Variants in ADGRG4 observed in about 807,000 individuals in gnomAD.
ADGRG4 encodes adhesion G protein-coupled receptor G4.
In ADGRG4, 122 loss-of-function variants were observed where a neutral mutation model predicts 126.2. The ratio of observed to expected loss-of-function variants is 0.97; its 90% confidence interval spans 0.83 to 1.12. The LOEUF is 1.12. Among genes scored for constraint, ADGRG4 ranks in the 50% most tolerant of loss-of-function variants. The pLI, the probability that ADGRG4 is intolerant of heterozygous loss-of-function variation, is 0.00. For synonymous variants in ADGRG4, 943 were observed against 838.7 expected (o/e 1.12, Z -2.15); for missense variants, 2,481 against 2,251.8 (o/e 1.10, Z -2.06).
chrX:136,365,427 T>C (rs2075152947), intron 13 of ADGRG4, among the ~76,000 whole-genome samples: 3 of 112,167 alleles, frequency 2.7e-5, no homozygotes, highest in Non-Finnish European at 1.9e-5. Context: ...ATGGATGCAT[T>C]ATATTCCATT....
intron 24 of ADGRG4, 105 bp from the exon 25 acceptor site, chrX:136,414,055 T>C: frequency 1.4e-6 from 1 of 722,102 alleles, no homozygotes; most frequent in Non-Finnish European, 2.0e-6. Context: ...CTTTGTATTT[T>C]TAAACCAGGT....
chrX:136,360,666 C>G (rs2075122783), intron 11 of ADGRG4, among the ~76,000 whole-genome samples: 2 of 111,409 alleles, frequency 1.8e-5, no homozygotes, highest in Non-Finnish European at 3.8e-5. Context: ...CACTTGAGGC[C>G]AGGAGGTTGA....
Position 136,407,945 on chromosome X carries a change from G to A in ADGRG4, c.8935+1973G>A, listed in dbSNP as rs112639989. On this transcript the variant is annotated intron_variant, in intron 23 of 25. Coordinates refer to ENST00000394143, the MANE Select transcript of ADGRG4 (RefSeq NM_153834.4). Reference sequence around the variant, plus strand: ...ACCAGTCATGGTATAGAATGTCCACGGAAACGGTTTAGAACCCAGGTGCCT... The same window carrying A: ...ACCAGTCATGGTATAGAATGTCCACAGAAACGGTTTAGAACCCAGGTGCCT... Among the ~76,000 whole-genome samples the A allele has an allele frequency of 9.2e-3, 1,026 of 111,939 alleles. 12 individuals carry two copies. The highest frequency in any genetic ancestry group is 0.031 in the African/African-American group (968 of 30,780).
chrX:136,415,481 C>T (rs781063643), intron 25 of ADGRG4, among the ~76,000 whole-genome samples: 37 of 111,473 alleles, frequency 3.3e-4, no homozygotes, highest in East Asian at 5.7e-4. Context: ...TATGGGGCAA[C>T]GCTATTTTCC....
At position 136,348,977 on chromosome X, in the gene ADGRG4, T is replaced by TAGTC; in HGVS notation, c.5272_5275dup (p.Leu1759GlnfsTer16). 8.3e-7 allele frequency: 1 copy of TAGTC among 1,209,250 alleles called. No homozygotes were observed. The highest frequency in any genetic ancestry group is 1.1e-6 in the Non-Finnish European group (1 of 893,522). The stretch of plus-strand genomic sequence containing the variant: ...ATATGCTTTCACCTACTCATGCAGA[T>TAGTC]AGTCTCCATACTTCCTTCAATATTC... On this transcript the variant is annotated frameshift_variant, in exon 6 of 26. Transcript: ENST00000394143. LOFTEE classifies it high-confidence loss of function.
At chrX:136,301,460 G>T (rs1383303485) in intron 1 of ADGRG4, among the ~76,000 whole-genome samples, 3 of 111,662 alleles carry the variant, frequency 2.7e-5, no homozygotes, top group South Asian at 3.8e-4. Flanking sequence ...CAAATTTGTT[G>T]GAGTTCTTTG....
rs749245858 is a variant in ADGRG4, at chrX:136,405,828, C to G, written c.8791C>G (p.Arg2931Gly). ...TGTGAAATCCCAAATCCAGAAGACT[C>G]GGCGGAAGATGATCCTGCATGACCT... is the stretch of plus-strand genomic sequence containing the variant. Reference protein sequence around the residue: ...NSVKSQIQKTRRKMILHDLKG... With the variant: ...NSVKSQIQKTGRKMILHDLKG... The change falls in exon 23 of 26, where the codon CGG becomes GGG. Residue 2931 changes from arginine (R) to glycine (G), a missense_variant. Transcript: ENST00000394143. 5.0e-6 allele frequency: 6 copies of G among 1,208,551 alleles called. No individual in the cohort carries two copies. The Admixed American group carries it at 1.1e-4, about 22-fold the overall frequency.
At chrX:136,396,404 T>TA (rs1491134505) in intron 19 of ADGRG4, among the ~76,000 whole-genome samples, 61 of 101,208 alleles carry the variant, frequency 6.0e-4, no homozygotes, top group Admixed American at 9.7e-4. Context: ...TATATATATA[T>TA]TTTTTTTTTG....
At position 136,395,389 on chromosome X, in the gene ADGRG4, G is replaced by A; in HGVS notation, c.8081-1G>A. ...TTGAAATTTCCTTCTGTCTCCTACA[G>A]ATGGGCTGGGTGGATGGAATTCGTC... On this transcript the variant is annotated splice_acceptor_variant, in intron 18 of 25. Coordinates refer to ENST00000394143, the MANE Select transcript of ADGRG4 (RefSeq NM_153834.4). LOFTEE classifies it high-confidence loss of function. 8.5e-7 allele frequency: 1 copy of A among 1,176,541 alleles called. No individual in the cohort carries two copies. Among genetic ancestry groups the A allele is most frequent in the Non-Finnish European group, 1.2e-6 (1 of 866,333 alleles).
rs1050888314 is a variant in ADGRG4, at chrX:136,345,027, A to G, written c.1321A>G (p.Thr441Ala). The stretch of plus-strand genomic sequence containing the variant: ...AGCTGGCCAGGAGTTCATTGAATCT[A>G]CAGCTGCCGGAACTGTACCTTGGTT... ...STAGQEFIES[T>A]AAGTVPWFTV... Residue 441 changes from threonine (T) to alanine (A), a missense_variant, in exon 6 of 26, where the codon ACA becomes GCA. Physicochemically the swap from Thr to Ala is moderately conservative, Grantham distance 58 (BLOSUM62 0). Coordinates refer to ENST00000394143, the MANE Select transcript of ADGRG4 (RefSeq NM_153834.4). 2 of 1,209,839 alleles carry G rather than the reference A, an allele frequency of 1.7e-6. No homozygotes were observed. The highest frequency in any genetic ancestry group is 4.4e-5 in the Admixed American group (2 of 45,726).
chrX:136,348,305 A>G lies in ADGRG4; in HGVS notation c.4599A>G (p.Pro1533=), dbSNP rs889972762. The change falls in exon 6 of 26, where the codon CCA becomes CCG. Residue 1533 remains proline (P), a synonymous_variant. Transcript: ENST00000394143. Reference sequence around the variant, plus strand: ...CCAAAAAAGTTTCTGACACTCCCCCAATAGTGATAACTAAATCTTCTAAAA... The same window carrying G: ...CCAAAAAAGTTTCTGACACTCCCCCGATAGTGATAACTAAATCTTCTAAAA... ...FTSKKVSDTP[P]IVITKSSKTM... is the part of the protein sequence containing the mutation. 2.5e-6 allele frequency: 3 copies of G among 1,208,976 alleles called. No homozygotes were observed. The highest frequency in any genetic ancestry group is 1.7e-5 in the African/African-American group (1 of 57,662).
intron 5 of ADGRG4, among the ~76,000 whole-genome samples, chrX:136,324,769 C>G (rs781717009): frequency 8.9e-6 from 1 of 112,087 alleles, no homozygotes; most frequent in African/African-American, 3.2e-5. Flanking sequence ...TACTCTCTGG[C>G]ACAACAAGAT....
chrX:136,396,673 C>A (rs2075350665), intron 19 of ADGRG4, among the ~76,000 whole-genome samples: 1 of 106,451 alleles, frequency 9.4e-6, no homozygotes, highest in African/African-American at 3.5e-5. Context: ...ACTATGTGAT[C>A]TTGGTAAGGT....
rs1468737491 is a variant in ADGRG4, at chrX:136,348,008, A to T, written c.4302A>T (p.Thr1434=). The change falls in exon 6 of 26, where the codon ACA becomes ACT. Residue 1434 remains threonine, a synonymous_variant. Coordinates refer to ENST00000394143, the MANE Select transcript of ADGRG4 (RefSeq NM_153834.4). ...TATCAAATCCTATGGACATCAATAC[A>T]ACTTTTTCACACTTGCATTCACTTA... is the stretch of plus-strand genomic sequence containing the variant. The part of the protein sequence containing the change: ...TRISNPMDIN[T]TFSHLHSLRT... 5 of 1,209,338 alleles carry T rather than the reference A, an allele frequency of 4.1e-6. No homozygotes were observed. The Admixed American group carries it at 1.1e-4, about 26-fold the overall frequency.
intron 4 of ADGRG4, among the ~76,000 whole-genome samples, chrX:136,320,304 T>C (rs2074832144): frequency 8.9e-6 from 1 of 112,340 alleles, no homozygotes; most frequent in Non-Finnish European, 1.9e-5. Flanking sequence ...GAAATGAAAT[T>C]GCTGGGTCAA....
intron 15 of ADGRG4, among the ~76,000 whole-genome samples, chrX:136,377,344 C>T (rs1331693802): frequency 9.2e-6 from 1 of 108,172 alleles, no homozygotes; most frequent in African/African-American, 3.4e-5. Flanking sequence ...AGGCACGCAC[C>T]ACCATGCCTG....
intron 16 of ADGRG4, among the ~76,000 whole-genome samples, chrX:136,390,730 G>A (rs1010822899): frequency 8.1e-5 from 9 of 111,722 alleles, no homozygotes; most frequent in South Asian, 3.8e-4. Flanking sequence ...CATGGCTACC[G>A]TTTTGTAGTA....
In ADGRG4 at chrX:136,412,333, T is replaced by A. The variant is rs767571836; in HGVS notation, c.9004T>A (p.Cys3002Ser). Reference sequence around the variant, plus strand: ...GCGGGAGCAGTGGCAGATACACCTCTGCTGTGGGTGGTTGCGATTGGATAA... The same window carrying A: ...GCGGGAGCAGTGGCAGATACACCTCAGCTGTGGGTGGTTGCGATTGGATAA... ...SVREQWQIHLCCGWLRLDNSS... is the reference protein window; with the variant it reads ...SVREQWQIHLSCGWLRLDNSS... The change falls in exon 24 of 26, where the codon TGC (cysteine) becomes AGC (serine). Residue 3002 changes from cysteine (C) to serine (S), a missense_variant. By Grantham distance (112) the Cys-to-Ser change is moderately radical. Transcript: ENST00000394143. 2.5e-6 allele frequency: 3 copies of A among 1,194,430 alleles called. No individual in the cohort carries two copies. The highest frequency in any genetic ancestry group is 3.4e-6 in the Non-Finnish European group (3 of 879,453).
intron 5 of ADGRG4, among the ~76,000 whole-genome samples, chrX:136,342,070 C>T (rs1180941321): frequency 9.0e-6 from 1 of 111,704 alleles, no homozygotes; most frequent in African/African-American, 3.2e-5. Flanking sequence ...TCCTAAATTC[C>T]ACTTATCCAC....
Sources: allele counts gnomAD v4.1 joint callset (sites outside exome capture counted in the v4.1 genomes callset), GRCh38; gene constraint gnomAD v4.1.1; transcripts MANE v1.5; gene names NCBI Gene and HGNC (gene_info 2026-07-23, HGNC 2026-07-21).